NELL2: variants seen among roughly 807,000 people sequenced by gnomAD.
The protein encoded by NELL2 is neural EGFL like 2.
A neutral mutation model predicts 109.6 loss-of-function variants in NELL2; 41 were observed. The observed-to-expected ratio is 0.37, with a 90% CI of 0.29 to 0.49. NELL2 has a LOEUF of 0.49. NELL2 is among the 20% of genes least tolerant of loss of function. The pLI, the probability that NELL2 is intolerant of heterozygous loss-of-function variation, is 0.98. For synonymous variants in NELL2, 355 were observed against 344.7 expected, an observed-to-expected ratio of 1.03 and a Z score of -0.33; for missense variants, 900 against 1,008.3, an observed-to-expected ratio of 0.89 and a Z score of 1.45.
At chr12:44,824,658 GTTATTTATTTAT>G (rs143236607) in intron 2 of NELL2, among the ~76,000 whole-genome samples, 3,472 of 140,572 alleles carry the variant, frequency 0.025, 110 homozygotes, top group East Asian at 0.18. Context: ...GTTTTGTAGT[GTTATTTATTTAT>G]TTATTTATTT....
chr12:44,608,806 T>C (rs1346302157), intron 14 of NELL2, among the ~76,000 whole-genome samples: 1 of 151,656 alleles, frequency 6.6e-6, no homozygotes, highest in African/African-American at 2.4e-5. Context: ...CTTAGTTATA[T>C]TGTAGTCTCC....
intron 9 of NELL2, among the ~76,000 whole-genome samples, chr12:44,729,107 AT>A (rs1306017564): frequency 6.6e-6 from 1 of 152,156 alleles, no homozygotes; most frequent in Non-Finnish European, 1.5e-5. Flanking sequence ...ACAGTGGTGT[AT>A]ATATCACCTT....
At chr12:44,751,232 T>A (rs1940636829) in intron 9 of NELL2, among the ~76,000 whole-genome samples, 1 of 151,548 alleles carries the variant, frequency 6.6e-6, no homozygotes, top group Non-Finnish European at 1.5e-5. Flanking sequence ...ATAATAAATG[T>A]TGTTTTGGTT....
Position 44,808,008 on chromosome 12 carries a change from A to T in NELL2, c.335+7978T>A, listed in dbSNP as rs149739123. On this transcript the variant is annotated intron_variant, in intron 3 of 19. Coordinates refer to ENST00000429094, the MANE Select transcript of NELL2 (RefSeq NM_001145108.2). ...GGCCTAAGATATTTAGGGCCTGATA[A>T]CTGGATATGGTCAGAATAGGATGGT... Among the ~76,000 whole-genome samples the T allele has an allele frequency of 2.9e-3, 445 of 152,222 alleles. 2 individuals are homozygous for T. The highest frequency in any genetic ancestry group is 8.1e-3 in the African/African-American group (336 of 41,560).
At chr12:44,569,218 C>G (rs542454224) in intron 15 of NELL2, among the ~76,000 whole-genome samples, 5 of 152,200 alleles carry the variant, frequency 3.3e-5, no homozygotes, top group Admixed American at 2.6e-4. Flanking sequence ...TGATCTCATT[C>G]TTTTTTATGG....
chr12:44,719,476 CT>C (rs1938658307), intron 9 of NELL2, among the ~76,000 whole-genome samples: 1 of 152,150 alleles, frequency 6.6e-6, no homozygotes, highest in Non-Finnish European at 1.5e-5. Context: ...ACATATCTAG[CT>C]TTTTCCTCTT....
At chr12:44,540,796 A>AAAAAAAAAAAAAAAAAAAAC (rs1942522935) in intron 15 of NELL2, among the ~76,000 whole-genome samples, 1 of 150,330 alleles carries the variant, frequency 6.7e-6, no homozygotes, top group Admixed American at 6.6e-5. Context: ...AAAAAAAAAA[A>AAAAAAAAAAAAAAAAAAAAC]AAGCCCATCC....
intron 15 of NELL2, among the ~76,000 whole-genome samples, chr12:44,571,067 AAG>A (rs1429002171): frequency 2.0e-5 from 3 of 152,122 alleles, no homozygotes; most frequent in Non-Finnish European, 2.9e-5. Context: ...TTTATATACT[AAG>A]AGAAAAAAGG....
chr12:44,875,892 C>T lies in NELL2; in HGVS notation c.-23G>A. 1 of 1,613,876 alleles carries T rather than the reference C, an allele frequency of 6.2e-7. No homozygotes were observed. Among genetic ancestry groups the T allele is most frequent in the Non-Finnish European group, 8.5e-7 (1 of 1,180,014 alleles). ...CATGGTGCGGATCAGCTCAGTCCAT[C>T]GTCTCCCTCTTTAAAAATAAAAATA... On this transcript the variant is annotated 5_prime_UTR_variant, in exon 1 of 20. Transcript: ENST00000429094.
chr12:44,538,956 A>G (rs989040063), intron 15 of NELL2, among the ~76,000 whole-genome samples: 1 of 152,042 alleles, frequency 6.6e-6, no homozygotes, highest in Non-Finnish European at 1.5e-5. Context: ...ATTGACTAAA[A>G]TGTTCTTTTT....
chr12:44,759,229 A>G (rs1320505216), intron 9 of NELL2, among the ~76,000 whole-genome samples: 1 of 152,194 alleles, frequency 6.6e-6, no homozygotes, highest in Non-Finnish European at 1.5e-5. Flanking sequence ...AAAACTGTAG[A>G]AAAGGCTACA....
intron 11 of NELL2, among the ~76,000 whole-genome samples, chr12:44,707,792 G>T (rs541058702): frequency 1.3e-5 from 2 of 152,266 alleles, no homozygotes; most frequent in South Asian, 2.1e-4. Context: ...ACTATAGTAG[G>T]TATTTAAAAA....
chr12:44,878,120 G>T (rs1044579425), upstream of NELL2, among the ~76,000 whole-genome samples: 2 of 152,110 alleles, frequency 1.3e-5, no homozygotes, highest in African/African-American at 2.4e-5. Context: ...ACCAACCTGT[G>T]TTCAACCAAC....
At chr12:44,856,797 C>T (rs1944697418) in intron 2 of NELL2, among the ~76,000 whole-genome samples, 2 of 152,092 alleles carry the variant, frequency 1.3e-5, no homozygotes, top group East Asian at 1.9e-4. Context: ...TTGAGTGAAA[C>T]GAAGAACCCC....
At chr12:44,821,060 C>G (rs193067405) in intron 2 of NELL2, among the ~76,000 whole-genome samples, 1 of 151,562 alleles carries the variant, frequency 6.6e-6, no homozygotes, top group Non-Finnish European at 1.5e-5. Flanking sequence ...CACACACACA[C>G]ACACACACAC....
At chr12:44,804,120 T>C (rs1019082100) in intron 3 of NELL2, among the ~76,000 whole-genome samples, 1 of 151,962 alleles carries the variant, frequency 6.6e-6, no homozygotes, top group East Asian at 1.9e-4. Context: ...TATTCAATAA[T>C]TGATATATTC....
intron 1 of NELL2, among the ~76,000 whole-genome samples, chr12:44,910,425 C>G (rs1014175680): frequency 6.6e-6 from 1 of 151,834 alleles, no homozygotes; most frequent in Non-Finnish European, 1.5e-5. Context: ...CCATCTCACA[C>G]TAGAAAGGCT....
At chr12:44,876,412 G>C (rs1356754677), upstream of NELL2, 2 of 1,272,270 alleles carry the variant, frequency 1.6e-6, no homozygotes, top group African/African-American at 1.5e-5. Flanking sequence ...GGGCCGCCGA[G>C]GGCGAGGCCG....
intron 3 of NELL2, among the ~76,000 whole-genome samples, chr12:44,781,882 T>A (rs1299101790): frequency 6.6e-6 from 1 of 151,930 alleles, no homozygotes; most frequent in Non-Finnish European, 1.5e-5. Context: ...AGAAGACCTA[T>A]TTTAAAAGAA....
Sources: gnomAD v4.1 joint callset for allele counts (sites outside exome capture counted in the v4.1 genomes callset) on GRCh38, gnomAD v4.1.1 for gene constraint, MANE v1.5 for transcripts, NCBI Gene and HGNC (gene_info 2026-07-23, HGNC 2026-07-21) for gene names.